The following MTRES1 variants were observed in gnomAD, a reference collection of about 807,000 sequenced individuals.
MTRES1 encodes the protein uncharacterized protein C6orf203.
MTRES1 carries 11 observed loss-of-function variants against 17.4 expected under a neutral mutation model. The ratio of observed to expected loss-of-function variants is 0.63; its 90% CI spans 0.40 to 1.05. MTRES1 has a LOEUF of 1.05. MTRES1 is among the 50% of genes least tolerant of loss of function. The pLI is 0.00. For missense variants in MTRES1, 268 were observed against 276.2 expected, an observed-to-expected ratio of 0.97 and a Z score of 0.21; for synonymous variants, 94 against 99.6, an observed-to-expected ratio of 0.94 and a Z score of 0.34.
chr6:107,033,971 A>G (rs1443039385), intron 1 of MTRES1, among the ~76,000 whole-genome samples: 3 of 152,218 alleles, frequency 2.0e-5, no homozygotes, highest in African/African-American at 7.2e-5. Flanking sequence ...AATGAATTTT[A>G]TCTAAGCTTC....
intron 2 of MTRES1, chr6:107,040,553 A>G (rs569131569): frequency 3.5e-4 from 71 of 204,440 alleles, no homozygotes; most frequent in African/African-American, 1.6e-3. Context: ...ATGTACCTGG[A>G]TATTTCACAA....
intron 2 of MTRES1, 120 bp from the exon 3 acceptor site, chr6:107,044,140 A>T: frequency 1.5e-6 from 1 of 667,266 alleles, no homozygotes; most frequent in Non-Finnish European, 2.5e-6. Flanking sequence ...AACAAAAAAA[A>T]TAGATTTGAG....
intron 1 of MTRES1, among the ~76,000 whole-genome samples, chr6:107,031,673 T>C (rs979307180): frequency 2.0e-5 from 3 of 151,772 alleles, no homozygotes; most frequent in Admixed American, 2.0e-4. Context: ...CAATCTCAGC[T>C]CACTGCAACC....
At chr6:107,041,383 T>A (rs1363212510) in intron 2 of MTRES1, among the ~76,000 whole-genome samples, 4 of 152,056 alleles carry the variant, frequency 2.6e-5, no homozygotes, top group African/African-American at 9.7e-5. Context: ...GAGTGGTTGC[T>A]AGGATTGAGT....
chr6:107,044,409 A>G lies in MTRES1; in HGVS notation c.543+77A>G, dbSNP rs1298998432. ...TAGTAACTCAATTAATGCTGTCCCAAATTTTCCCTCTGGCTCCTCTTCTTT... is the reference window on the plus strand; with the variant it reads ...TAGTAACTCAATTAATGCTGTCCCAGATTTTCCCTCTGGCTCCTCTTCTTT... On this transcript the variant is annotated intron_variant, in intron 3 of 3. Transcript: ENST00000311381. 6.7e-6 allele frequency: 8 copies of G among 1,186,534 alleles called. 1 individual carries two copies. The highest frequency in any genetic ancestry group is 1.5e-5 in the African/African-American group (1 of 65,742). 73.5% of individuals were successfully genotyped at this position (1,186,534 alleles called of 1,614,324 possible).
chr6:107,050,894 C>T (rs1200223255), intron 3 of MTRES1, among the ~76,000 whole-genome samples, 163 bp from the exon 4 acceptor site: 1 of 152,126 alleles, frequency 6.6e-6, no homozygotes, highest in Non-Finnish European at 1.5e-5. Flanking sequence ...CTCCCTTTCA[C>T]GCTGAGGCAC....
intron 3 of MTRES1, among the ~76,000 whole-genome samples, chr6:107,049,483 G>A (rs1441777262): frequency 7.1e-6 from 1 of 140,832 alleles, no homozygotes; most frequent in Non-Finnish European, 1.5e-5. Context: ...GCGAGATCTC[G>A]GCTCACTGCA....
intron 3 of MTRES1, among the ~76,000 whole-genome samples, chr6:107,045,667 A>G (rs1774367598): frequency 6.6e-6 from 1 of 152,182 alleles, no homozygotes; most frequent in African/African-American, 2.4e-5. Flanking sequence ...TATCACTTTC[A>G]TAATGGAAAA....
chr6:107,044,338 AT>A lies in MTRES1; in HGVS notation c.543+7del. The A allele has an allele frequency of 6.2e-7, 1 of 1,608,460 alleles. No homozygotes were observed. Among genetic ancestry groups the A allele is most frequent in the Non-Finnish European group, 8.5e-7 (1 of 1,174,980 alleles). On this transcript the variant is annotated splice_region_variant and intron_variant, in intron 3 of 3. Transcript: ENST00000311381. ...TATGGAAGAAAAGCAGAACGGTGAG[AT>A]ACTAACCTAAAATGACAGCCAGATG...
intron 1 of MTRES1, among the ~76,000 whole-genome samples, chr6:107,035,559 A>T (rs1554226863): frequency 6.6e-6 from 1 of 152,200 alleles, no homozygotes; most frequent in East Asian, 1.9e-4. Flanking sequence ...GGCTGTGCTT[A>T]TGAGTTAATT....
At chr6:107,033,324 C>T (rs542021453) in intron 1 of MTRES1, among the ~76,000 whole-genome samples, 1 of 150,722 alleles carries the variant, frequency 6.6e-6, no homozygotes. Flanking sequence ...GGATGTGACT[C>T]GTGTGGAGTC....
intron 1 of MTRES1, among the ~76,000 whole-genome samples, chr6:107,032,112 T>G (rs1390556583): frequency 6.6e-6 from 1 of 152,128 alleles, no homozygotes; most frequent in Non-Finnish European, 1.5e-5. Flanking sequence ...TTTGAGAAGT[T>G]TTATGGTAAA....
At chr6:107,041,627 G>A (rs147139437) in intron 2 of MTRES1, among the ~76,000 whole-genome samples, 5,804 of 152,068 alleles carry the variant, frequency 0.038, 171 homozygotes, top group Middle Eastern at 0.12. Context: ...CCGGGTTCAC[G>A]CCATTCTCCT....
intron 3 of MTRES1, among the ~76,000 whole-genome samples, chr6:107,045,184 CA>C (rs71012763): frequency 6.8e-6 from 1 of 147,954 alleles, no homozygotes; most frequent in Non-Finnish European, 1.5e-5. Flanking sequence ...GACCCTGTCT[CA>C]AAAAAAAAAA....
intron 1 of MTRES1, 103 bp from the exon 2 acceptor site, chr6:107,039,646 G>C: frequency 1.6e-6 from 2 of 1,256,310 alleles, no homozygotes; most frequent in South Asian, 3.1e-5. Context: ...GGGCGAATAC[G>C]TATAGTACTG....
chr6:107,035,945 G>A (rs782199386), intron 1 of MTRES1, among the ~76,000 whole-genome samples: 12 of 151,890 alleles, frequency 7.9e-5, no homozygotes, highest in African/African-American at 9.7e-5. Context: ...CACCACACCC[G>A]TCCAGTTTTC....
chr6:107,039,221 C>G (rs1280301343), intron 1 of MTRES1, among the ~76,000 whole-genome samples: 1 of 152,136 alleles, frequency 6.6e-6, no homozygotes, highest in African/African-American at 2.4e-5. Context: ...ATCCTATGAG[C>G]TAAGCACATT....
intron 3 of MTRES1, 80 bp downstream of exon 3, chr6:107,044,412 T>C: frequency 8.7e-7 from 1 of 1,154,358 alleles, no homozygotes; most frequent in Non-Finnish European, 1.3e-6. Context: ...TGTCCCAAAT[T>C]TTCCCTCTGG....
At chr6:107,045,666 C>A (rs1774367529) in intron 3 of MTRES1, among the ~76,000 whole-genome samples, 1 of 151,838 alleles carries the variant, frequency 6.6e-6, no homozygotes, top group Admixed American at 6.6e-5. Context: ...GTATCACTTT[C>A]ATAATGGAAA....
Sources: allele counts gnomAD v4.1 joint callset (sites outside exome capture counted in the v4.1 genomes callset), GRCh38; gene constraint gnomAD v4.1.1; transcripts MANE v1.5; gene names NCBI Gene and HGNC (gene_info 2026-07-23, HGNC 2026-07-21).